FAM13A: variants seen among roughly 807,000 people sequenced by gnomAD.
The protein encoded by FAM13A is protein FAM13A.
FAM13A carries 76 observed loss-of-function variants against 129.6 expected under a neutral mutation model. The ratio of observed to expected loss-of-function variants is 0.59; its 90% CI spans 0.49 to 0.71. The LOEUF (loss-of-function observed/expected upper bound fraction) is 0.71. Among genes scored for constraint, FAM13A ranks in the 30% least tolerant of loss-of-function variants. The pLI is 0.00. For synonymous variants in FAM13A, 443 were observed against 449.9 expected (o/e 0.98, Z 0.20); for missense variants, 1,108 against 1,249.3 (o/e 0.89, Z 1.70).
chr4:88,955,394 T>G (rs1334804482), intron 4 of FAM13A, among the ~76,000 whole-genome samples: 1 of 152,170 alleles, frequency 6.6e-6, no homozygotes, highest in Non-Finnish European at 1.5e-5. Flanking sequence ...TGTTGAACTG[T>G]GAGTCAATTA....
rs71598428 is a variant in FAM13A, at chr4:88,954,885, C to CAAA, written c.606-16647_606-16645dup. On this transcript the variant is annotated intron_variant, in intron 4 of 23. Coordinates refer to ENST00000264344, the MANE Select transcript of FAM13A (RefSeq NM_014883.4). ...TGGGCGACAGAGCAAGACTTCGTCT[C>CAAA]AAAAAAAAAAAAAAAGAAAAAATGT... 6.5e-4 allele frequency among the ~76,000 whole-genome samples: 81 copies of CAAA among 123,946 alleles called. 1 individual carries two copies. Among genetic ancestry groups the CAAA allele is most frequent in the Non-Finnish European group, 8.0e-4 (47 of 58,876 alleles). 81.3% of individuals were successfully genotyped at this position (123,946 alleles called of 152,430 possible). A position where few individuals can be genotyped will look rare whatever the true frequency, so the allele number is the denominator to read the frequency against.
chr4:89,023,319 T>C (rs1579816822), intron 2 of FAM13A, among the ~76,000 whole-genome samples: 1 of 152,234 alleles, frequency 6.6e-6, no homozygotes, highest in Non-Finnish European at 1.5e-5. Flanking sequence ...TATGAAATCC[T>C]GAAAATTTAG....
chr4:89,024,356 C>T (rs1439897357), intron 2 of FAM13A, among the ~76,000 whole-genome samples: 2 of 151,578 alleles, frequency 1.3e-5, no homozygotes, highest in African/African-American at 4.8e-5. Flanking sequence ...ACATTGTCAG[C>T]GAGAAAAAGA....
chr4:88,805,742 C>CA (rs1328718684), intron 7 of FAM13A, among the ~76,000 whole-genome samples: 3 of 151,886 alleles, frequency 2.0e-5, no homozygotes, highest in African/African-American at 7.3e-5. Flanking sequence ...AATCATGGTT[C>CA]ACTGTAGCCA....
At chr4:89,010,246 G>A (rs936783684) in intron 3 of FAM13A, among the ~76,000 whole-genome samples, 1 of 152,132 alleles carries the variant, frequency 6.6e-6, no homozygotes, top group African/African-American at 2.4e-5. Flanking sequence ...TCTCTACTTT[G>A]AACCTCTGTC....
rs1736554816 is a variant in FAM13A at position 88,726,777 on chromosome 4, A to C, written c.*1756T>G. 6.5e-6 allele frequency: 1 copy of C among 152,678 alleles called. No individual in the cohort carries two copies. Among genetic ancestry groups the C allele is most frequent in the Non-Finnish European group, 1.5e-5 (1 of 68,040 alleles). The allele number at this position is 152,678 out of a possible 1,614,324, so 9.5% of individuals were successfully genotyped here. A position where few individuals can be genotyped will look rare whatever the true frequency, so the allele number is the denominator to read the frequency against. ...AATCTGCAATGTAAACAGTAGAGCA[A>C]AGAATTCCAAACTATATTTTTATGT... On this transcript the variant is annotated 3_prime_UTR_variant, in exon 24 of 24. Transcript: ENST00000264344.
At position 88,851,168 on chromosome 4, in the gene FAM13A, T is replaced by C; in HGVS notation, c.859A>G (p.Ser287Gly). ...CTGTGGGCCTGAATAGATCCCTCACTCCTGGATTTTGGGATCTAGAAGAAA... is the reference window on the plus strand; with the variant it reads ...CTGTGGGCCTGAATAGATCCCTCACCCCTGGATTTTGGGATCTAGAAGAAA... The part of the protein sequence containing the change: ...PPKTKIPKSR[S>G]EGSIQAHRVL... The change falls in exon 7 of 24, where the codon AGT becomes GGT. Residue 287 changes from serine to glycine, a missense_variant. This residue lies in a region of FAM13A where 566 missense variants were observed against 595.7 expected (regional missense o/e 0.95). Coordinates refer to ENST00000264344, the MANE Select transcript of FAM13A (RefSeq NM_014883.4). 2 of 1,592,866 alleles carry C rather than the reference T, an allele frequency of 1.3e-6. No individual in the cohort carries two copies. The highest frequency in any genetic ancestry group is 1.7e-6 in the Non-Finnish European group (2 of 1,167,136).
In FAM13A at chr4:88,865,809, G is replaced by C. The variant is rs143242944; in HGVS notation, c.844-14626C>G. Among the ~76,000 whole-genome samples, 284 of 150,882 alleles carry C rather than the reference G, an allele frequency of 1.9e-3. 2 individuals carry two copies. Among genetic ancestry groups the C allele is most frequent in the African/African-American group, 6.6e-3 (271 of 41,006 alleles). On this transcript the variant is annotated intron_variant, in intron 6 of 23. Coordinates refer to ENST00000264344, the MANE Select transcript of FAM13A (RefSeq NM_014883.4). ...ATAGATGGTACGCGGGATTTGGCCTGTGGGCCACTTTGTGCTCACCCAAAT... is the reference window on the plus strand; with the variant it reads ...ATAGATGGTACGCGGGATTTGGCCTCTGGGCCACTTTGTGCTCACCCAAAT...
chr4:88,750,770 T>C (rs1406615717), intron 14 of FAM13A, 133 bp from the exon 15 acceptor site: 4 of 663,914 alleles, frequency 6.0e-6, no homozygotes, highest in South Asian at 1.9e-5. Flanking sequence ...ATTTTACAGC[T>C]AAGGTCCAGG....
At chr4:88,867,581 G>C (rs1180052920) in intron 6 of FAM13A, among the ~76,000 whole-genome samples, 2 of 152,106 alleles carry the variant, frequency 1.3e-5, no homozygotes, top group African/African-American at 4.8e-5. Context: ...TTGACTTTGG[G>C]GTTACCAGTA....
chr4:88,906,515 C>A, intron 5 of FAM13A, 53 bp from the exon 6 acceptor site: 2 of 1,219,052 alleles, frequency 1.6e-6, no homozygotes, highest in Non-Finnish European at 1.2e-6. Flanking sequence ...CTTACCCTAA[C>A]CAAAAATTAC....
At chr4:89,009,364 G>A (rs1471530550) in intron 3 of FAM13A, among the ~76,000 whole-genome samples, 1 of 152,086 alleles carries the variant, frequency 6.6e-6, no homozygotes, top group Non-Finnish European at 1.5e-5. Context: ...TCCCTTCAAC[G>A]CCACTACCTC....
chr4:88,851,988 A>C (rs1178209739), intron 6 of FAM13A, among the ~76,000 whole-genome samples: 3 of 152,138 alleles, frequency 2.0e-5, no homozygotes, highest in Non-Finnish European at 2.9e-5. Context: ...GATCAATTGT[A>C]TTTGGTACAC....
chr4:88,761,671 T>A (rs1744842426), intron 13 of FAM13A, among the ~76,000 whole-genome samples: 1 of 152,124 alleles, frequency 6.6e-6, no homozygotes, highest in Non-Finnish European at 1.5e-5. Flanking sequence ...GAATGGGACA[T>A]GACAAGGGTG....
chr4:88,731,942 T>C, intron 22 of FAM13A, 60 bp downstream of exon 22: 2 of 1,308,176 alleles, frequency 1.5e-6, no homozygotes, highest in Admixed American at 2.1e-5. Flanking sequence ...AAGGCTAAGA[T>C]AATATTTAAG....
At chr4:89,016,070 A>C (rs1766444929) in intron 3 of FAM13A, among the ~76,000 whole-genome samples, 1 of 152,222 alleles carries the variant, frequency 6.6e-6, no homozygotes, top group South Asian at 2.1e-4. Flanking sequence ...TGGCAGTTCC[A>C]CAAGTGTTAC....
At chr4:88,794,120 T>C (rs1725711766) in intron 8 of FAM13A, among the ~76,000 whole-genome samples, 1 of 151,990 alleles carries the variant, frequency 6.6e-6, no homozygotes, top group Non-Finnish European at 1.5e-5. Flanking sequence ...TTGACTGATT[T>C]GCTAAGAAAA....
At chr4:88,746,299 G>T (rs1741321896) in intron 19 of FAM13A, among the ~76,000 whole-genome samples, 1 of 152,204 alleles carries the variant, frequency 6.6e-6, no homozygotes, top group East Asian at 1.9e-4. Context: ...GAGAGCAGAA[G>T]CCTATCATGC....
At chr4:89,019,658 G>A (rs183928662) in intron 3 of FAM13A, among the ~76,000 whole-genome samples, 2 of 151,664 alleles carry the variant, frequency 1.3e-5, no homozygotes, top group Non-Finnish European at 2.9e-5. Context: ...CTACTCAGGA[G>A]GCTGAGGTAG....
Sources: gnomAD v4.1 joint callset for allele counts (sites outside exome capture counted in the v4.1 genomes callset) on GRCh38, gnomAD v4.1.1 for gene constraint, gnomAD v4.1.1 regional missense constraint, MANE v1.5 for transcripts, NCBI Gene and HGNC (gene_info 2026-07-23, HGNC 2026-07-21) for gene names.